ZNF48: variants seen among roughly 807,000 people sequenced by gnomAD.
ZNF48 encodes the protein zinc finger protein 48.
A neutral mutation model predicts 40.0 loss-of-function variants in ZNF48; 20 were observed. That is an observed-to-expected ratio of 0.50 (90% CI 0.35 to 0.73). ZNF48 has a LOEUF of 0.73. Ranked by LOEUF, ZNF48 falls within the 30% of genes least tolerant of loss-of-function variation. ZNF48 has a pLI of 0.01. For synonymous variants in ZNF48, 298 were observed against 329.7 expected, an observed-to-expected ratio of 0.90 and a Z score of 1.04; for missense variants, 726 against 851.9, an observed-to-expected ratio of 0.85 and a Z score of 1.84.
chr16:30,387,242 C>CGCT (rs2049908810), intron 1 of ZNF48, among the ~76,000 whole-genome samples: 1 of 132,930 alleles, frequency 7.5e-6, no homozygotes, highest in Non-Finnish European at 1.6e-5. Context: ...CGCGCCCGGC[C>CGCT]TTTTTTTTTT....
At chr16:30,389,341 A>C (rs2049924831) in intron 1 of ZNF48, among the ~76,000 whole-genome samples, 1 of 151,200 alleles carries the variant, frequency 6.6e-6, no homozygotes. Flanking sequence ...CAGTGAGCCG[A>C]GATTGTGCTA....
Position 30,382,377 on chromosome 16 carries a change from G to C in ZNF48, c.-16+3967G>C. The C allele has an allele frequency of 6.9e-6, 11 of 1,603,564 alleles. No homozygotes were observed. The highest frequency in any genetic ancestry group is 9.4e-6 in the Non-Finnish European group (11 of 1,173,220). On this transcript the variant is annotated intron_variant, in intron 1 of 2. Coordinates refer to the ZNF48 transcript ENST00000528032. This position sits in a 1 kb window ranked among gnomAD's most constrained non-coding sequence, Gnocchi z 4.8. ...ACGTACTCCTTGTCCTATGGATGGGGGTGGACAATATGAGGCTGCTGGCAA... is the reference window on the plus strand; with the variant it reads ...ACGTACTCCTTGTCCTATGGATGGGCGTGGACAATATGAGGCTGCTGGCAA...
At chr16:30,392,780 A>G (rs1477890145), upstream of ZNF48, among the ~76,000 whole-genome samples, 1 of 152,202 alleles carries the variant, frequency 6.6e-6, no homozygotes, top group East Asian at 1.9e-4. Flanking sequence ...ACACTACAGA[A>G]GGTATCTCTG....
Position 30,381,906 on chromosome 16 carries a change from G to A in ZNF48, c.-16+3496G>A, listed in dbSNP as rs1391596721. On this transcript the variant is annotated intron_variant, in intron 1 of 2. Transcript: ENST00000528032. The surrounding 1 kb of genome is among the most constrained non-coding windows in gnomAD (Gnocchi z 4.3). ...GAGCTGTGGGATGGGGGAGAGGTCA[G>A]GGATCCGGGGAGGCTCTGAGGCAGA... 4 of 1,613,550 alleles carry A rather than the reference G, an allele frequency of 2.5e-6. No individual in the cohort carries two copies. The highest frequency in any genetic ancestry group is 3.3e-4 in the Middle Eastern group (2 of 6,082).
upstream of ZNF48, chr16:30,394,590 T>A: frequency 6.5e-6 from 1 of 152,718 alleles, no homozygotes; most frequent in South Asian, 2.1e-4. Flanking sequence ...TGTCTCTTTC[T>A]CTTTGTCTCT....
chr16:30,393,726 T>G (rs533772012), upstream of ZNF48, among the ~76,000 whole-genome samples: 4 of 149,624 alleles, frequency 2.7e-5, no homozygotes, highest in Admixed American at 2.7e-4. Context: ...TTCTTTCTCT[T>G]TTTTTTTTAG....
chr16:30,384,441 T>C (rs1266424388), intron 1 of ZNF48, among the ~76,000 whole-genome samples: 1 of 152,010 alleles, frequency 6.6e-6, no homozygotes, highest in Non-Finnish European at 1.5e-5. Flanking sequence ...GCAGAATTGC[T>C]TGAACCCAGG....
Position 30,381,590 on chromosome 16 carries a change from G to T in ZNF48, c.-16+3180G>T. ...CTTTGGCTCCCTCCAAAGACATTAA[G>T]GGGAACTGGTGGGGGCCTAGGTGAG... is the stretch of plus-strand genomic sequence containing the variant. On this transcript the variant is annotated intron_variant, in intron 1 of 2. Coordinates refer to the ZNF48 transcript ENST00000528032. This position sits in a 1 kb window ranked among gnomAD's most constrained non-coding sequence, Gnocchi z 4.3. 1.3e-6 allele frequency: 2 copies of T among 1,484,208 alleles called. No homozygotes were observed. The highest frequency in any genetic ancestry group is 1.8e-5 in the Admixed American group (1 of 55,824). The allele number at this position is 1,484,208 out of a possible 1,614,324, so 91.9% of individuals were successfully genotyped here.
At chr16:30,379,913 C>T in intron 1 of ZNF48, 1 of 1,385,958 alleles carries the variant, frequency 7.2e-7, no homozygotes, top group East Asian at 2.3e-5. Context: ...GGCCTGCCTT[C>T]CTTCTTTGTT....
At chr16:30,391,250 A>T (rs550732153), upstream of ZNF48, among the ~76,000 whole-genome samples, 2 of 152,198 alleles carry the variant, frequency 1.3e-5, no homozygotes, top group South Asian at 2.1e-4. Flanking sequence ...GCTGGAGTGC[A>T]GTGATCTCTG....
At position 30,382,664 on chromosome 16, in the gene ZNF48, G is replaced by A; in HGVS notation, c.-16+4254G>A. The A allele has an allele frequency of 6.5e-7, 1 of 1,534,380 alleles. No homozygotes were observed. The highest frequency in any genetic ancestry group is 1.2e-5 in the South Asian group (1 of 83,944). ...AACTGGCCCAGTCCCAGAGAGGTGG[G>A]GAAGGCCAAGGCCAAGAACACTTGG... On this transcript the variant is annotated intron_variant, in intron 1 of 2. Transcript: ENST00000528032. The surrounding 1 kb of genome is among the most constrained non-coding windows in gnomAD (Gnocchi z 4.8).
upstream of ZNF48, among the ~76,000 whole-genome samples, chr16:30,394,093 C>T (rs529518738): frequency 1.3e-5 from 2 of 151,636 alleles, no homozygotes; most frequent in African/African-American, 2.4e-5. Context: ...TACAGTGGCA[C>T]GATCCACGAT....
At position 30,400,086 on chromosome 16, in the gene ZNF48, A is replaced by G. The variant is rs1446832731; in HGVS notation, c.*979A>G. 2.0e-5 allele frequency: 3 copies of G among 152,144 alleles called. No individual in the cohort carries two copies. In the East Asian group the frequency reaches 5.8e-4, roughly 29 times the overall value. 9.4% of individuals were successfully genotyped at this position (152,144 alleles called of 1,614,324 possible). On this transcript the variant is annotated 3_prime_UTR_variant, in exon 3 of 3. Coordinates refer to ENST00000613509, the MANE Select transcript of ZNF48 (RefSeq NM_001214909.2). ...CTTCCCTTGCTCTCTGAGCCCATTA[A>G]ATAAAGAGGTTGTCTTGGCGTAGTC...
Position 30,381,260 on chromosome 16 carries a change from G to A in ZNF48, c.-16+2850G>A, listed in dbSNP as rs766044143. ...GGGCCGGAGCCTGCACCCAGGGATT[G>A]GTCATTGCCCAGCCTCAGGGGGCAG... On this transcript the variant is annotated intron_variant, in intron 1 of 2. Coordinates refer to the ZNF48 transcript ENST00000528032. This position sits in a 1 kb window ranked among gnomAD's most constrained non-coding sequence, Gnocchi z 4.3. 2.9e-5 allele frequency: 46 copies of A among 1,613,418 alleles called. No homozygotes were observed. In the Admixed American group the frequency reaches 4.8e-4, roughly 17 times the overall value.
In ZNF48 at chr16:30,382,464, G is replaced by T; in HGVS notation, c.-16+4054G>T. ...GGCTAGGAAGAGTCAGTGGGGTCTG[G>T]GGACCCCAGGCATGGGGGCTGGGGG... On this transcript the variant is annotated intron_variant, in intron 1 of 2. Coordinates refer to the ZNF48 transcript ENST00000528032. The surrounding 1 kb of genome is among the most constrained non-coding windows in gnomAD (Gnocchi z 4.8). 6.4e-7 allele frequency: 1 copy of T among 1,565,114 alleles called. No individual in the cohort carries two copies. The highest frequency in any genetic ancestry group is 2.3e-5 in the East Asian group (1 of 44,378).
chr16:30,397,777 G>T lies in ZNF48; in HGVS notation c.527G>T (p.Gly176Val), dbSNP rs368785477. Residue 176 changes from glycine (G) to valine (V), a missense_variant, in exon 3 of 3, where the codon GGT becomes GTT. Coordinates refer to ENST00000613509, the MANE Select transcript of ZNF48 (RefSeq NM_001214909.2). The surrounding 1 kb of genome is among the most constrained non-coding windows in gnomAD (Gnocchi z 4.1). ...TATAGAGCCCGGCCACCAGCCCAGG[G>T]TCCCCCAAAGATTCCTCGGTCCCGG... The part of the protein sequence containing the change: ...KPYRARPPAQ[G>V]PPKIPRSRIP... 6.2e-7 allele frequency: 1 copy of T among 1,613,632 alleles called. No homozygotes were observed. Among genetic ancestry groups the T allele is most frequent in the South Asian group, 1.1e-5 (1 of 91,072 alleles).
At chr16:30,395,044 C>CTCCGCCG (rs960759945), upstream of ZNF48, 3 of 273,940 alleles carry the variant, frequency 1.1e-5, no homozygotes, top group African/African-American at 6.9e-5. This position sits in a 1 kb window ranked among gnomAD's most constrained non-coding sequence, Gnocchi z 5.9. Flanking sequence ...CGTCTGGGGT[C>CTCCGCCG]TCCGCCGCCC....
At chr16:30,395,253 A>C (rs2049970652), upstream of ZNF48, 1 of 456,092 alleles carries the variant, frequency 2.2e-6, no homozygotes, top group Admixed American at 2.3e-5. This position sits in a 1 kb window ranked among gnomAD's most constrained non-coding sequence, Gnocchi z 5.9. Flanking sequence ...GCACACGGTT[A>C]ATACCACCGA....
chr16:30,383,990 G>A (rs532722745), intron 1 of ZNF48, among the ~76,000 whole-genome samples: 1 of 152,256 alleles, frequency 6.6e-6, no homozygotes, highest in African/African-American at 2.4e-5. Flanking sequence ...GCCGAGGCGG[G>A]TGGATCACTT....
Sources: gnomAD v4.1 joint callset for allele counts (sites outside exome capture counted in the v4.1 genomes callset) on GRCh38, gnomAD v4.1.1 for gene constraint, Gnocchi (gnomAD v3.1) non-coding constraint, MANE v1.5 for transcripts, NCBI Gene and HGNC (gene_info 2026-07-23, HGNC 2026-07-21) for gene names.